The following ICAM2 variants were observed in gnomAD, a reference collection of about 807,000 sequenced individuals.
ICAM2 encodes the protein intercellular adhesion molecule 2.
ICAM2 carries 14 observed loss-of-function variants against 19.1 expected under a neutral mutation model. The observed-to-expected ratio is 0.73, with a 90% CI of 0.48 to 1.15. The LOEUF (loss-of-function observed/expected upper bound fraction) is 1.15, where lower values mean the gene tolerates loss of function less well. Ranked by LOEUF, ICAM2 falls within the 50% of genes most tolerant of loss-of-function variation. The probability of loss-of-function intolerance (pLI) is 0.00; values close to 1 mark genes in which losing one functional copy is unlikely to be tolerated. For synonymous variants in ICAM2, 153 were observed against 152.7 expected, an observed-to-expected ratio of 1.00 and a Z score of -0.01; for missense variants, 311 against 355.4, an observed-to-expected ratio of 0.88 and a Z score of 1.00.
At chr17:64,015,381 TAAG>T (rs1369260551) in intron 1 of ICAM2, among the ~76,000 whole-genome samples, 5 of 152,180 alleles carry the variant, frequency 3.3e-5, no homozygotes, top group Non-Finnish European at 5.9e-5. Flanking sequence ...CAAACTTATT[TAAG>T]AAGAAATAAA....
chr17:64,012,497 G>A (rs940284192), intron 1 of ICAM2, among the ~76,000 whole-genome samples: 7 of 152,164 alleles, frequency 4.6e-5, no homozygotes, highest in Admixed American at 1.3e-4. Context: ...CTACTCGGGT[G>A]GCTGAAGCAG....
chr17:64,002,986 A>C (rs1910902136), intron 4 of ICAM2, 61 bp from the exon 5 acceptor site: 2 of 1,507,678 alleles, frequency 1.3e-6, no homozygotes, highest in African/African-American at 2.8e-5. Context: ...AGGGACCAAA[A>C]GGGAGTGGAA....
In ICAM2 at chr17:64,003,878, C is replaced by T. The variant is rs773666503; in HGVS notation, c.415G>A (p.Val139Met). ...AGGGTGAGGCTGTCCAGGGGCTCCA[C>T]GGTGGGCACCCTGCACTCAATGGTG... ...SFTIECRVPT[V>M]EPLDSLTLFL... Residue 139 changes from valine (V) to methionine (M), a missense_variant, in exon 4 of 5, where the codon GTG (valine) becomes ATG (methionine). Transcript: ENST00000579788. The T allele has an allele frequency of 1.9e-5, 31 of 1,614,078 alleles. No individual in the cohort carries two copies. The highest frequency in any genetic ancestry group is 9.3e-5 in the African/African-American group (7 of 74,938).
At chr17:64,010,631 C>A (rs748296256) in intron 1 of ICAM2, among the ~76,000 whole-genome samples, 2 of 151,530 alleles carry the variant, frequency 1.3e-5, no homozygotes, top group Non-Finnish European at 2.9e-5. Flanking sequence ...AAAAGTTTAT[C>A]CCCCAAAATA....
Position 64,003,726 on chromosome 17 carries a change from G to A in ICAM2, c.567C>T (p.Ser189=). The change falls in exon 4 of 5, where the codon TCC becomes TCT. Residue 189 remains serine (S), a synonymous_variant. Transcript: ENST00000579788. The part of the protein sequence containing the change: ...ADREDGHRNF[S]CLAVLDLMSR... ...ACATCAAGTCCAGCACAGCCAGGCA[G>A]GAGAAGTTGCGGTGGCCATCCTCTC... is the stretch of plus-strand genomic sequence containing the variant. 6.2e-7 allele frequency: 1 copy of A among 1,614,202 alleles called. No homozygotes were observed. The highest frequency in any genetic ancestry group is 1.3e-5 in the African/African-American group (1 of 75,076).
At chr17:64,012,629 C>T (rs1911500943) in intron 1 of ICAM2, among the ~76,000 whole-genome samples, 1 of 152,074 alleles carries the variant, frequency 6.6e-6, no homozygotes, top group African/African-American at 2.4e-5. Flanking sequence ...AAAATGTTTA[C>T]ACAACATTTA....
intron 1 of ICAM2, among the ~76,000 whole-genome samples, chr17:64,020,134 G>A (rs919954457): frequency 6.6e-6 from 1 of 151,920 alleles, no homozygotes; most frequent in African/African-American, 2.4e-5. Flanking sequence ...ACGCCTGCCG[G>A]GGAGAACAGG....
rs200156942 is a variant in ICAM2, at chr17:64,014,769, A to G, written c.-45+5754T>C. ...AGAAAGAAAGAAAGAAAGAAAGAAA[A>G]AGAAAGAAGGAAAATAAGTCTGATG... On this transcript the variant is annotated intron_variant, in intron 1 of 4. Transcript: ENST00000579788. Among the ~76,000 whole-genome samples, 40 of 149,612 alleles carry G rather than the reference A, an allele frequency of 2.7e-4. 1 individual carries two copies. The highest frequency in any genetic ancestry group is 9.8e-4 in the African/African-American group (40 of 40,686).
intron 2 of ICAM2, 22 bp downstream of exon 2, chr17:64,006,609 G>A: frequency 1.2e-6 from 2 of 1,612,078 alleles, no homozygotes; most frequent in Non-Finnish European, 1.7e-6. Flanking sequence ...GCCAAATCAG[G>A]AACCCCAGGA....
chr17:64,006,492 G>A (rs1216267571), intron 2 of ICAM2, 139 bp downstream of exon 2: 7 of 696,510 alleles, frequency 1.0e-5, no homozygotes, highest in Non-Finnish European at 1.5e-5. Context: ...CCGAGACCCT[G>A]TCTTAAAACA....
intron 4 of ICAM2, chr17:64,003,136 C>T: frequency 1.8e-6 from 1 of 556,816 alleles, no homozygotes; most frequent in Admixed American, 3.1e-5. Flanking sequence ...CTCAGGCTAC[C>T]AGCTGGACTT....
chr17:64,010,288 G>A (rs1020917042), intron 1 of ICAM2, among the ~76,000 whole-genome samples: 2 of 152,146 alleles, frequency 1.3e-5, no homozygotes, highest in Admixed American at 6.5e-5. Flanking sequence ...GAAGAAACTC[G>A]GGGTCCTTCC....
At chr17:64,013,358 A>T (rs535764226) in intron 1 of ICAM2, among the ~76,000 whole-genome samples, 2 of 151,652 alleles carry the variant, frequency 1.3e-5, no homozygotes, top group South Asian at 4.2e-4. Flanking sequence ...AAAATTAGCC[A>T]GGTGTGGTGA....
chr17:64,002,987 G>T, intron 4 of ICAM2, 62 bp from the exon 5 acceptor site: 1 of 1,512,546 alleles, frequency 6.6e-7, no homozygotes, highest in Non-Finnish European at 9.0e-7. Context: ...GGGACCAAAA[G>T]GGAGTGGAAG....
In ICAM2 at chr17:64,018,099, C is replaced by T. The variant is rs376435874; in HGVS notation, c.-45+2424G>A. Among the ~76,000 whole-genome samples, 15 of 151,908 alleles carry T rather than the reference C, an allele frequency of 9.9e-5. No individual in the cohort carries two copies. The East Asian group carries it at 1.4e-3, about 14-fold the overall frequency. On this transcript the variant is annotated intron_variant, in intron 1 of 4. Coordinates refer to ENST00000579788, the MANE Select transcript of ICAM2 (RefSeq NM_001099789.2). ...CTGTGACGCCAGCACTTTGGGAGGCCGAGGCGGGCTGATCACGCGGTCAGA... is the reference window on the plus strand; with the variant it reads ...CTGTGACGCCAGCACTTTGGGAGGCTGAGGCGGGCTGATCACGCGGTCAGA...
chr17:64,005,025 G>T, intron 3 of ICAM2, 82 bp downstream of exon 3: 1 of 1,479,146 alleles, frequency 6.8e-7, no homozygotes, highest in East Asian at 2.3e-5. Context: ...CCCAGGAGCA[G>T]GCACAGAGGG....
intron 1 of ICAM2, among the ~76,000 whole-genome samples, chr17:64,011,606 G>A (rs1282224768): frequency 2.0e-5 from 3 of 152,006 alleles, no homozygotes; most frequent in African/African-American, 4.8e-5. Context: ...CAAGAGATAA[G>A]TGTTGATGAC....
chr17:64,004,321 G>T (rs991739942), intron 3 of ICAM2: 3 of 233,520 alleles, frequency 1.3e-5, no homozygotes, highest in African/African-American at 6.8e-5. Flanking sequence ...ACTTAGATGG[G>T]CATTGCTCAC....
At chr17:64,013,114 A>G (rs1273985557) in intron 1 of ICAM2, among the ~76,000 whole-genome samples, 2 of 152,160 alleles carry the variant, frequency 1.3e-5, no homozygotes, top group Non-Finnish European at 1.5e-5. Flanking sequence ...GGAGTTCGAG[A>G]CCAGCGTGGC....
Sources: gnomAD v4.1 joint callset for allele counts (sites outside exome capture counted in the v4.1 genomes callset) on GRCh38, gnomAD v4.1.1 for gene constraint, MANE v1.5 for transcripts, NCBI Gene and HGNC (gene_info 2026-07-23, HGNC 2026-07-21) for gene names.